The following KDM4C variants were observed in gnomAD, a reference collection of about 807,000 sequenced individuals.
KDM4C encodes lysine-specific demethylase 4C.
A neutral mutation model predicts 129.3 loss-of-function variants in KDM4C; 81 were observed. The ratio of observed to expected loss-of-function variants is 0.63; its 90% CI spans 0.52 to 0.75. The LOEUF is 0.75. Among genes scored for constraint, KDM4C ranks in the 30% least tolerant of loss-of-function variants. The pLI, the probability that KDM4C is intolerant of heterozygous loss-of-function variation, is 0.00. For synonymous variants in KDM4C, 573 were observed against 456.1 expected, an observed-to-expected ratio of 1.26 and a Z score of -3.26; for missense variants, 1,457 against 1,304.0, an observed-to-expected ratio of 1.12 and a Z score of -1.81.
chr9:7,161,687 A>T (rs1325692574), intron 19 of KDM4C, among the ~76,000 whole-genome samples: 1 of 152,124 alleles, frequency 6.6e-6, no homozygotes, highest in African/African-American at 2.4e-5. Flanking sequence ...GCTGGGCTTT[A>T]TTGCCTCCTA....
intron 17 of KDM4C, among the ~76,000 whole-genome samples, chr9:7,094,380 G>A (rs1389678841): frequency 1.3e-5 from 2 of 151,866 alleles, no homozygotes; most frequent in Non-Finnish European, 2.9e-5. Context: ...AAGTTTTAGG[G>A]TACATGTGCA....
intron 15 of KDM4C, among the ~76,000 whole-genome samples, chr9:7,041,568 T>G: frequency 6.6e-6 from 1 of 151,982 alleles, no homozygotes; most frequent in East Asian, 1.9e-4. Flanking sequence ...TTATTATATC[T>G]TGTACTTTTT....
intron 8 of KDM4C, among the ~76,000 whole-genome samples, chr9:6,970,881 G>A (rs1001640160): frequency 1.6e-5 from 2 of 128,004 alleles, no homozygotes; most frequent in Admixed American, 1.0e-4. Flanking sequence ...AACCAAAACC[G>A]AAATGATGCA....
At chr9:6,951,119 TC>T (rs1410144617) in intron 8 of KDM4C, among the ~76,000 whole-genome samples, 1 of 152,218 alleles carries the variant, frequency 6.6e-6, no homozygotes, top group Non-Finnish European at 1.5e-5. Flanking sequence ...TTTATAGTGA[TC>T]AGTCAGGGTA....
At position 6,804,146 on chromosome 9, in the gene KDM4C, A is replaced by G. The variant is rs149341976; in HGVS notation, c.145-1453A>G. On this transcript the variant is annotated intron_variant, in intron 2 of 21. Coordinates refer to ENST00000381309, the MANE Select transcript of KDM4C (RefSeq NM_015061.6). ...CTGTTACCTTCTACTTTTAAATCCTATCAATATGTATTTTTGGTCTTAATG... is the reference window on the plus strand; with the variant it reads ...CTGTTACCTTCTACTTTTAAATCCTGTCAATATGTATTTTTGGTCTTAATG... 3.9e-5 allele frequency among the ~76,000 whole-genome samples: 6 copies of G among 152,300 alleles called. No homozygotes were observed. The East Asian group carries it at 9.6e-4, about 24-fold the overall frequency.
chr9:6,841,203 A>G (rs7876012), intron 4 of KDM4C, among the ~76,000 whole-genome samples: 21 of 152,224 alleles, frequency 1.4e-4, no homozygotes, highest in African/African-American at 5.1e-4. Flanking sequence ...TGAATTTCAA[A>G]AATTTTTATT....
intron 16 of KDM4C, among the ~76,000 whole-genome samples, chr9:7,047,481 A>G (rs1416943930): frequency 6.6e-6 from 1 of 152,022 alleles, no homozygotes; most frequent in African/African-American, 2.4e-5. Flanking sequence ...ACATAAAAGG[A>G]AGGCAGTCTA....
At chr9:7,046,987 GT>G in intron 16 of KDM4C, 70 bp downstream of exon 16, 1 of 1,121,146 alleles carries the variant, frequency 8.9e-7, no homozygotes, top group Non-Finnish European at 1.4e-6. Flanking sequence ...TTGGATGACA[GT>G]TCGCTTTACC....
chr9:6,857,747 C>T (rs1224855161), intron 5 of KDM4C, among the ~76,000 whole-genome samples: 2 of 150,484 alleles, frequency 1.3e-5, no homozygotes, highest in Admixed American at 6.6e-5. Context: ...CCAGAGTAGC[C>T]AGCTGTACTT....
At chr9:7,154,012 G>A (rs1209367129) in intron 19 of KDM4C, among the ~76,000 whole-genome samples, 2 of 152,262 alleles carry the variant, frequency 1.3e-5, no homozygotes, top group Admixed American at 1.3e-4. Context: ...CTGATCACAG[G>A]TTCTAAATCC....
intron 8 of KDM4C, among the ~76,000 whole-genome samples, chr9:6,917,855 C>G (rs985691649): frequency 3.3e-5 from 5 of 152,174 alleles, no homozygotes; most frequent in African/African-American, 1.2e-4. Context: ...AGTGAGGCCA[C>G]TTGTGCACTT....
chr9:6,785,788 T>C (rs1825360240), intron 1 of KDM4C, among the ~76,000 whole-genome samples: 1 of 152,236 alleles, frequency 6.6e-6, no homozygotes, highest in Admixed American at 6.5e-5. Flanking sequence ...AGCGTGTCTT[T>C]TGGGGGGACA....
At chr9:7,090,856 TATCA>T (rs767870133) in intron 17 of KDM4C, among the ~76,000 whole-genome samples, 2 of 152,336 alleles carry the variant, frequency 1.3e-5, no homozygotes, top group Non-Finnish European at 2.9e-5. Context: ...CACACCAGAA[TATCA>T]ATCCATTGTT....
chr9:6,867,850 T>A (rs906636121), intron 5 of KDM4C, among the ~76,000 whole-genome samples: 2 of 152,138 alleles, frequency 1.3e-5, no homozygotes, highest in African/African-American at 4.8e-5. Flanking sequence ...CCCACTGTCT[T>A]TTATTGCAGT....
intron 8 of KDM4C, among the ~76,000 whole-genome samples, chr9:6,900,982 T>A (rs1364831135): frequency 1.3e-5 from 2 of 150,586 alleles, no homozygotes; most frequent in Non-Finnish European, 2.9e-5. Flanking sequence ...TTTTTTTTTT[T>A]AATGCCTTAG....
Position 7,013,962 on chromosome 9 carries a change from C to T in KDM4C, c.2143C>T (p.Leu715Phe). The T allele has an allele frequency of 6.2e-7, 1 of 1,613,966 alleles. No individual in the cohort carries two copies. Among genetic ancestry groups the T allele is most frequent in the Non-Finnish European group, 8.5e-7 (1 of 1,179,870 alleles). ...CCTTGAAGAGGATGGAACAAGTCTC[C>T]TTATTTCCTGTGCAAAGTGCTGCGT... ...AFLEEDGTSL[L>F]ISCAKCCVRV... Residue 715 changes from leucine (L) to phenylalanine (F), a missense_variant, in exon 14 of 22, where the codon CTT (leucine) becomes TTT (phenylalanine). Coordinates refer to ENST00000381309, the MANE Select transcript of KDM4C (RefSeq NM_015061.6).
At chr9:6,965,252 T>G (rs1240064037) in intron 8 of KDM4C, among the ~76,000 whole-genome samples, 2 of 151,572 alleles carry the variant, frequency 1.3e-5, no homozygotes, top group Non-Finnish European at 2.9e-5. Flanking sequence ...AAAAAAAAAG[T>G]CTAAAACCAC....
chr9:6,921,100 TTTTGTTGGTTCCTTTTTC>T (rs2131202630), intron 8 of KDM4C, among the ~76,000 whole-genome samples: 1 of 152,296 alleles, frequency 6.6e-6, no homozygotes, highest in South Asian at 2.1e-4. Context: ...TCTCGGTCAG[TTTTGTTGGTTCCTTTTTC>T]TTTGATACCT....
chr9:7,103,724 G>C lies in KDM4C; in HGVS notation c.2464G>C (p.Gly822Arg). Residue 822 changes from glycine (G) to arginine (R), a missense_variant, in exon 18 of 22, where the codon GGA (glycine) becomes CGA (arginine). Physicochemically the swap from Gly to Arg is moderately radical, Grantham distance 125 (BLOSUM62 -2). Coordinates refer to ENST00000381309, the MANE Select transcript of KDM4C (RefSeq NM_015061.6). Reference sequence around the variant, plus strand: ...CAGACACCGGGTTAAGAGGGTCTCTGGAGCCTGCATCCAGTGTTCCTACGG... The same window carrying C: ...CAGACACCGGGTTAAGAGGGTCTCTCGAGCCTGCATCCAGTGTTCCTACGG... ...FCRHRVKRVS[G>R]ACIQCSYGRC... is the part of the protein sequence containing the mutation. 1 of 1,613,946 alleles carries C rather than the reference G, an allele frequency of 6.2e-7. No individual in the cohort carries two copies. The highest frequency in any genetic ancestry group is 8.5e-7 in the Non-Finnish European group (1 of 1,179,926).
Sources: allele counts gnomAD v4.1 joint callset (sites outside exome capture counted in the v4.1 genomes callset), GRCh38; gene constraint gnomAD v4.1.1; transcripts MANE v1.5; gene names NCBI Gene and HGNC (gene_info 2026-07-23, HGNC 2026-07-21).